GPATCH1: variants seen among roughly 807,000 people sequenced by gnomAD.
The protein encoded by GPATCH1 is G patch domain-containing protein 1.
In GPATCH1, 73 loss-of-function variants were observed where a neutral mutation model predicts 114.9. That is an observed-to-expected ratio of 0.64 (90% CI 0.53 to 0.77). GPATCH1 has a LOEUF of 0.77. GPATCH1 is among the 30% of genes least tolerant of loss of function. The pLI is 0.00. For missense variants in GPATCH1, 1,058 were observed against 1,144.3 expected, an observed-to-expected ratio of 0.92 and a Z score of 1.09; for synonymous variants, 391 against 428.4, an observed-to-expected ratio of 0.91 and a Z score of 1.08.
At position 33,109,898 on chromosome 19, in the gene GPATCH1, G is replaced by A. The variant is rs147651445; in HGVS notation, c.1467G>A (p.Met489Ile). 8.5e-5 allele frequency: 137 copies of A among 1,614,162 alleles called. 1 individual carries two copies. The African/African-American group carries it at 1.7e-3, about 20-fold the overall frequency. The change falls in exon 11 of 20, where the codon ATG (methionine) becomes ATA (isoleucine). Residue 489 changes from methionine (M) to isoleucine (I), a missense_variant. Transcript: ENST00000170564. The part of the protein sequence containing the change: ...AAAAGHCSWN[M>I]ALGGGTATLK... Reference sequence around the variant, plus strand: ...CTGCTGGGCACTGCTCTTGGAACATGGCATTAGGTGGTGGGACGGCCACCT... The same window carrying A: ...CTGCTGGGCACTGCTCTTGGAACATAGCATTAGGTGGTGGGACGGCCACCT...
chr19:33,104,338 C>CAAAAAAA (rs759908888), intron 9 of GPATCH1, among the ~76,000 whole-genome samples: 26 of 124,926 alleles, frequency 2.1e-4, no homozygotes, highest in African/African-American at 6.1e-4. Context: ...GACCCTGTCT[C>CAAAAAAA]AAAAAAAAGA....
intron 19 of GPATCH1, 119 bp downstream of exon 19, chr19:33,126,852 C>T (rs1447753927): frequency 1.2e-6 from 1 of 841,826 alleles, no homozygotes; most frequent in Non-Finnish European, 1.9e-6. Context: ...TGCAGTGGCT[C>T]ACGCCTATAA....
chr19:33,108,241 A>C (rs1599860095), intron 10 of GPATCH1, among the ~76,000 whole-genome samples: 1 of 151,126 alleles, frequency 6.6e-6, no homozygotes, highest in African/African-American at 2.4e-5. Flanking sequence ...TGTTCCCCTC[A>C]CCAGCAGCTG....
intron 5 of GPATCH1, among the ~76,000 whole-genome samples, chr19:33,095,452 C>T (rs12976335): frequency 0.42 from 62,913 of 151,404 alleles, 16,494 homozygotes; most frequent in African/African-American, 0.73. Context: ...TTTGTAGAGA[C>T]GGGGTTTCTC....
intron 3 of GPATCH1, among the ~76,000 whole-genome samples, chr19:33,092,467 A>G (rs922380553): frequency 6.6e-6 from 1 of 152,198 alleles, no homozygotes; most frequent in Non-Finnish European, 1.5e-5. Flanking sequence ...CTGGCAAGGA[A>G]AGTGGGATCA....
At chr19:33,125,971 A>G in intron 18 of GPATCH1, among the ~76,000 whole-genome samples, 1 of 152,054 alleles carries the variant, frequency 6.6e-6, no homozygotes. Context: ...ACAGGCTTTT[A>G]ATTAGGTTAA....
intron 7 of GPATCH1, 131 bp downstream of exon 7, chr19:33,096,577 A>G: frequency 1.4e-6 from 1 of 720,746 alleles, no homozygotes; most frequent in South Asian, 2.1e-5. Context: ...CAGGTCAAAG[A>G]TTCTTTCTTA....
Position 33,093,448 on chromosome 19 carries a change from T to C in GPATCH1, c.384T>C (p.Ala128=). 6.2e-7 allele frequency: 1 copy of C among 1,613,900 alleles called. No individual in the cohort carries two copies. The highest frequency in any genetic ancestry group is 2.2e-5 in the East Asian group (1 of 44,868). Residue 128 remains alanine, a synonymous_variant, in exon 4 of 20, where the codon GCT becomes GCC. Transcript: ENST00000170564. ...CCAAAGACAGAATACGAGAAAAGGC[T>C]AGGCAGTTGGCCGCTGCTACTGCCC... The part of the protein sequence containing the change: ...SKTKDRIREK[A]RQLAAATAPI...
Position 33,125,145 on chromosome 19 carries a change from TA to T in GPATCH1, c.2567del (p.Lys856ArgfsTer65), listed in dbSNP as rs1215855327. On this transcript the variant is annotated frameshift_variant, in exon 18 of 20. Coordinates refer to ENST00000170564, the MANE Select transcript of GPATCH1 (RefSeq NM_018025.3). LOFTEE classifies it high-confidence loss of function. ...TLEVPQKEKH[K>X]KNKDKHKAKK... is the part of the protein sequence containing the mutation. ...TTGAGGTTCCTCAAAAAGAGAAACATAAAAAGAACAAAGACAAGCACAAGGC... is the reference window on the plus strand; with the variant it reads ...TTGAGGTTCCTCAAAAAGAGAAACATAAAAGAACAAAGACAAGCACAAGGC... The T allele has an allele frequency of 5.0e-6, 8 of 1,601,074 alleles. No homozygotes were observed. The highest frequency in any genetic ancestry group is 6.8e-6 in the Non-Finnish European group (8 of 1,173,536).
Position 33,130,172 on chromosome 19 carries a change from C to T in GPATCH1, c.*12C>T, listed in dbSNP as rs778335862. The T allele has an allele frequency of 1.3e-6, 2 of 1,587,954 alleles. No individual in the cohort carries two copies. The highest frequency in any genetic ancestry group is 1.7e-5 in the Admixed American group (1 of 59,906). On this transcript the variant is annotated 3_prime_UTR_variant, in exon 20 of 20. Coordinates refer to ENST00000170564, the MANE Select transcript of GPATCH1 (RefSeq NM_018025.3). ...TAAGAAGGCAGTAATTGAATGCTGC[C>T]CTGGCTCGTCCTAGAATCATTTCTC...
chr19:33,116,654 C>T (rs988341075), intron 15 of GPATCH1, among the ~76,000 whole-genome samples: 11 of 152,102 alleles, frequency 7.2e-5, no homozygotes, highest in Admixed American at 6.6e-4. Context: ...CTCAGCCTCC[C>T]GAGTAGCTGG....
At chr19:33,098,490 A>T (rs978501088) in intron 8 of GPATCH1, among the ~76,000 whole-genome samples, 1 of 152,172 alleles carries the variant, frequency 6.6e-6, no homozygotes, top group African/African-American at 2.4e-5. Context: ...AGTTGTTTCC[A>T]GAAAAGGTGC....
intron 13 of GPATCH1, chr19:33,113,111 T>TA (rs781627833): frequency 1.6e-4 from 25 of 155,938 alleles, no homozygotes; most frequent in Non-Finnish European, 2.7e-4. Flanking sequence ...ACCCCATCTC[T>TA]AAAAAATCAA....
chr19:33,129,986 T>C (rs1478008530), intron 19 of GPATCH1, 144 bp from the exon 20 acceptor site: 2 of 605,462 alleles, frequency 3.3e-6, no homozygotes, highest in Admixed American at 2.9e-5. Flanking sequence ...CAGTACTTCA[T>C]TGTGGGTTAT....
In GPATCH1 at chr19:33,113,799, G is replaced by A. The variant is rs368435440; in HGVS notation, c.1925G>A (p.Arg642His). ...STLVGLPRVK[R>H]DKYSVFNFLT... ...TTAGTTGGCTTACCAAGAGTGAAGC[G>A]TGACAAGTACTCAGTCTTCAACTTT... Residue 642 changes from arginine (R) to histidine (H), a missense_variant, in exon 14 of 20, where the codon CGT becomes CAT. Physicochemically the swap from Arg to His is conservative, Grantham distance 29. Around this residue, in one of 3 missense-constraint regions of GPATCH1, gnomAD observed 893 missense variants for 977.4 expected, o/e 0.91. Coordinates refer to ENST00000170564, the MANE Select transcript of GPATCH1 (RefSeq NM_018025.3). 51 of 1,613,308 alleles carry A rather than the reference G, an allele frequency of 3.2e-5. No homozygotes were observed. Among genetic ancestry groups the A allele is most frequent in the Non-Finnish European group, 4.1e-5 (48 of 1,179,488 alleles).
intron 15 of GPATCH1, 67 bp downstream of exon 15, chr19:33,114,486 CTT>C (rs1457922368): frequency 7.9e-7 from 1 of 1,273,134 alleles, no homozygotes; most frequent in East Asian, 2.4e-5. Flanking sequence ...TTTGGTGACA[CTT>C]TCTCCTCGTG....
At chr19:33,107,114 T>G (rs555624787) in intron 10 of GPATCH1, among the ~76,000 whole-genome samples, 1 of 152,330 alleles carries the variant, frequency 6.6e-6, no homozygotes, top group African/African-American at 2.4e-5. Context: ...TATTTTGAGA[T>G]AATGTCTAGG....
intron 2 of GPATCH1, among the ~76,000 whole-genome samples, chr19:33,089,257 G>C (rs201342132): frequency 5.9e-5 from 9 of 152,168 alleles, no homozygotes; most frequent in Non-Finnish European, 1.3e-4. Context: ...ATGCCACCAA[G>C]GGTCAGAGAG....
intron 17 of GPATCH1, among the ~76,000 whole-genome samples, chr19:33,124,831 T>C (rs923430295): frequency 2.4e-4 from 36 of 152,180 alleles, no homozygotes; most frequent in African/African-American, 8.7e-4. Flanking sequence ...TCCGACTTTA[T>C]CTGCATCTGG....
Sources: gnomAD v4.1 joint callset for allele counts (sites outside exome capture counted in the v4.1 genomes callset) on GRCh38, gnomAD v4.1.1 for gene constraint, gnomAD v4.1.1 regional missense constraint, MANE v1.5 for transcripts, NCBI Gene and HGNC (gene_info 2026-07-23, HGNC 2026-07-21) for gene names.